Variants in TARS3 observed in about 807,000 individuals in gnomAD.
The protein encoded by TARS3 is threonine--tRNA ligase 2, cytoplasmic.
TARS3 carries 94 observed loss-of-function variants against 103.5 expected under a neutral mutation model. The ratio of observed to expected loss-of-function variants is 0.91; its 90% CI spans 0.77 to 1.08. TARS3 has a LOEUF of 1.08. Ranked by LOEUF, TARS3 falls within the 50% of genes least tolerant of loss-of-function variation. The pLI, the probability that TARS3 is intolerant of heterozygous loss-of-function variation, is 0.00. For missense variants in TARS3, 952 were observed against 995.2 expected, an observed-to-expected ratio of 0.96 and a Z score of 0.58; for synonymous variants, 416 against 355.4, an observed-to-expected ratio of 1.17 and a Z score of -1.92.
At chr15:101,698,037 G>C (rs1430972349) in intron 10 of TARS3, among the ~76,000 whole-genome samples, 2 of 152,210 alleles carry the variant, frequency 1.3e-5, no homozygotes, top group Non-Finnish European at 2.9e-5. Flanking sequence ...GAATCAGGTT[G>C]AGAACAAAGC....
chr15:101,673,032 A>G (rs961900709), intron 13 of TARS3, among the ~76,000 whole-genome samples: 1 of 152,218 alleles, frequency 6.6e-6, no homozygotes, highest in Non-Finnish European at 1.5e-5. Flanking sequence ...AGGAGCTGCC[A>G]GAGCCGAGAG....
Position 101,684,226 on chromosome 15 carries a change from G to A in TARS3, c.1499C>T (p.Ala500Val), listed in dbSNP as rs777329635. ...TTCCCTCCAAGATCGTGGACGATGG[G>A]CAAACATTAGACTAGAAAAGATGTG... is the stretch of plus-strand genomic sequence containing the variant. ...MNCPGHCLMF[A>V]HRPRSWREMP... Residue 500 changes from alanine to valine, a missense_variant, in exon 12 of 19, where the codon GCC becomes GTC. Coordinates refer to ENST00000335968, the MANE Select transcript of TARS3 (RefSeq NM_152334.3). 7 of 1,613,330 alleles carry A rather than the reference G, an allele frequency of 4.3e-6. No homozygotes were observed. The highest frequency in any genetic ancestry group is 5.9e-6 in the Non-Finnish European group (7 of 1,179,612).
At chr15:101,670,701 T>C (rs1897759995) in intron 15 of TARS3, among the ~76,000 whole-genome samples, 2 of 152,170 alleles carry the variant, frequency 1.3e-5, no homozygotes, top group Admixed American at 1.3e-4. Flanking sequence ...CAAAAACCTA[T>C]ACACTAATAT....
At chr15:101,702,510 C>T in intron 8 of TARS3, 125 bp from the exon 9 acceptor site, 1 of 799,016 alleles carries the variant, frequency 1.3e-6, no homozygotes. Flanking sequence ...TGGCTCATGC[C>T]TATAATCCCA....
chr15:101,708,857 A>ATGATGG lies in TARS3; in HGVS notation c.860_865dup (p.Ile288_Ile289insThrIle). 6.2e-7 allele frequency: 1 copy of ATGATGG among 1,613,504 alleles called. No individual in the cohort carries two copies. The highest frequency in any genetic ancestry group is 8.5e-7 in the Non-Finnish European group (1 of 1,179,826). ...TCTTTCAAAAGGTTGCTTTTCTTTT[A>ATGATGG]TGATGGCTTTACATATATTCTCCAG... On this transcript the variant is annotated inframe_insertion, in exon 6 of 19. Coordinates refer to ENST00000335968, the MANE Select transcript of TARS3 (RefSeq NM_152334.3).
intron 10 of TARS3, among the ~76,000 whole-genome samples, chr15:101,693,397 C>A (rs1481204412): frequency 6.6e-6 from 1 of 152,048 alleles, no homozygotes; most frequent in Admixed American, 6.5e-5. Flanking sequence ...TTATTCACCA[C>A]CACAAGAACA....
In TARS3 at chr15:101,702,369, C is replaced by A. The variant is rs1899326940; in HGVS notation, c.1091G>T (p.Trp364Leu). ...IKIFKNSSTY[W>L]EGNPEMETLQ... ...TGTTTCCATTTCCGGATTGCCCTCC[C>A]AATATGTTGAGGAATTCTAAATATC... The change falls in exon 9 of 19, where the codon TGG (tryptophan) becomes TTG (leucine). Residue 364 changes from tryptophan (W) to leucine (L), a missense_variant. Trp to Leu is a moderately conservative substitution (Grantham distance 61). Transcript: ENST00000335968. 6.2e-7 allele frequency: 1 copy of A among 1,613,654 alleles called. No individual in the cohort carries two copies. The highest frequency in any genetic ancestry group is 1.3e-5 in the African/African-American group (1 of 75,012).
chr15:101,659,686 C>A (rs962748651), intron 16 of TARS3, among the ~76,000 whole-genome samples: 4 of 152,230 alleles, frequency 2.6e-5, no homozygotes, highest in African/African-American at 7.2e-5. Flanking sequence ...ACCATCATCT[C>A]TTACCTATGG....
In TARS3 at chr15:101,722,487, CA is replaced by C. The variant is rs1900524494; in HGVS notation, c.369+605del. 2.1e-5 allele frequency among the ~76,000 whole-genome samples: 3 copies of C among 143,468 alleles called. No homozygotes were observed. In the South Asian group the frequency reaches 7.1e-4, roughly 34 times the overall value. 94.1% of individuals were successfully genotyped at this position (143,468 alleles called of 152,430 possible). On this transcript the variant is annotated intron_variant, in intron 2 of 18. Coordinates refer to ENST00000335968, the MANE Select transcript of TARS3 (RefSeq NM_152334.3). ...TGTTTTAATGCTTTATATACAAAAGCAAAGTAGCTAGTTTCTCGAATACAAA... is the reference window on the plus strand; with the variant it reads ...TGTTTTAATGCTTTATATACAAAAGCAAGTAGCTAGTTTCTCGAATACAAA...
Position 101,654,441 on chromosome 15 carries a change from G to A in TARS3, c.*141C>T, listed in dbSNP as rs905528463. 2.6e-5 allele frequency: 22 copies of A among 855,256 alleles called. No homozygotes were observed. Among genetic ancestry groups the A allele is most frequent in the Admixed American group, 9.8e-5 (3 of 30,700 alleles). The allele number at this position is 855,256 out of a possible 1,614,324, so 53.0% of individuals were successfully genotyped here. ...TAAACTTCGTGCATGTCAGCTACAC[G>A]TTCATCGTCTCCTTTCTCAGCTGAG... On this transcript the variant is annotated 3_prime_UTR_variant, in exon 19 of 19. Coordinates refer to ENST00000335968, the MANE Select transcript of TARS3 (RefSeq NM_152334.3).
chr15:101,721,379 G>A (rs1388903470), intron 2 of TARS3, 57 bp from the exon 3 acceptor site: 23 of 1,385,892 alleles, frequency 1.7e-5, no homozygotes, highest in Non-Finnish European at 1.8e-5. Flanking sequence ...TTTTCCAGCT[G>A]CTCAGCTCTG....
In TARS3 at chr15:101,654,599, C is replaced by T. The variant is rs1338300318; in HGVS notation, c.2392G>A (p.Ala798Thr). 6.2e-7 allele frequency: 1 copy of T among 1,613,802 alleles called. No homozygotes were observed. The highest frequency in any genetic ancestry group is 8.5e-7 in the Non-Finnish European group (1 of 1,179,996). Residue 798 changes from alanine (A) to threonine (T), a missense_variant, in exon 19 of 19, where the codon GCT becomes ACT. Transcript: ENST00000335968. ...KNLRKTRTLN[A>T]EEAF is the part of the protein sequence containing the mutation. ...GAAGGACTTCAAAAGGCCTCCTCAG[C>T]ATTGAGTGTCCGTGTCTTCCTGAGA...
chr15:101,691,184 C>A (rs1898703120), intron 10 of TARS3, among the ~76,000 whole-genome samples: 1 of 152,010 alleles, frequency 6.6e-6, no homozygotes, highest in African/African-American at 2.4e-5. Flanking sequence ...CATGATCCAC[C>A]CGCCTCAGCC....
At chr15:101,684,369 A>T (rs1338051924) in intron 11 of TARS3, 132 bp from the exon 12 acceptor site, 20 of 626,632 alleles carry the variant, frequency 3.2e-5, no homozygotes, top group Middle Eastern at 5.5e-4. Context: ...TCACCAGGTT[A>T]AAAAAAAAAT....
At chr15:101,691,871 T>C (rs918731898) in intron 10 of TARS3, among the ~76,000 whole-genome samples, 3 of 150,100 alleles carry the variant, frequency 2.0e-5, no homozygotes, top group African/African-American at 7.4e-5. Flanking sequence ...TTTAATTCTC[T>C]GTGTATGTAC....
At position 101,724,330 on chromosome 15, in the gene TARS3, C is replaced by T. The variant is rs755387617; in HGVS notation, c.58G>A (p.Glu20Lys). The change falls in exon 1 of 19, where the codon GAG becomes AAG. Residue 20 changes from glutamate to lysine, a missense_variant. This residue lies in a region of TARS3 where 412 missense variants were observed against 364.2 expected (regional missense o/e 1.13). Transcript: ENST00000335968. ...TCCGACCACAGCCAGCGGATGTCCT[C>T]CTCCTGCCGCTCCAGGCGCGACGCC... ...AVASRLERQE[E>K]DIRWLWSEVE... 1.3e-6 allele frequency: 2 copies of T among 1,558,664 alleles called. No homozygotes were observed. The highest frequency in any genetic ancestry group is 1.4e-5 in the African/African-American group (1 of 70,726).
intron 15 of TARS3, among the ~76,000 whole-genome samples, chr15:101,663,559 TAA>T (rs1007322173): frequency 1.1e-4 from 16 of 152,356 alleles, no homozygotes; most frequent in African/African-American, 3.1e-4. Flanking sequence ...TTATATTTAT[TAA>T]GTTTATTCAT....
intron 15 of TARS3, 96 bp downstream of exon 15, chr15:101,671,390 A>G: frequency 1.1e-6 from 1 of 884,926 alleles, no homozygotes; most frequent in Non-Finnish European, 1.8e-6. Context: ...CACATATACT[A>G]GACATTCACT....
At chr15:101,676,756 C>T (rs1269475213) in intron 12 of TARS3, among the ~76,000 whole-genome samples, 2 of 151,810 alleles carry the variant, frequency 1.3e-5, no homozygotes, top group East Asian at 1.9e-4. Context: ...ACCCACCTGC[C>T]TCAGCCTCCC....
Sources: allele counts gnomAD v4.1 joint callset (sites outside exome capture counted in the v4.1 genomes callset), GRCh38; gene constraint gnomAD v4.1.1; regional missense constraint gnomAD v4.1.1; transcripts MANE v1.5; gene names NCBI Gene and HGNC (gene_info 2026-07-23, HGNC 2026-07-21).